Variants in GLYATL2 observed in about 807,000 individuals in gnomAD.
The protein encoded by GLYATL2 is glycine-N-acyltransferase like 2, also known as glycine N-acyltransferase-like protein 2.
A neutral mutation model predicts 21.4 loss-of-function variants in GLYATL2; 25 were observed. The ratio of observed to expected loss-of-function variants is 1.17; its 90% CI spans 0.85 to 1.63. The LOEUF (loss-of-function observed/expected upper bound fraction) is 1.63. Ranked by LOEUF, GLYATL2 falls within the 40% of genes most tolerant of loss-of-function variation. The pLI is 0.00. For synonymous variants in GLYATL2, 114 were observed against 118.2 expected (o/e 0.96, Z 0.23); for missense variants, 361 against 343.3 (o/e 1.05, Z -0.41).
intron 1 of GLYATL2, among the ~76,000 whole-genome samples, chr11:58,854,342 A>G (rs1394341604): frequency 6.6e-6 from 1 of 152,234 alleles, no homozygotes; most frequent in Non-Finnish European, 1.5e-5. Context: ...ACTGCAATAA[A>G]GTGGGTATTC....
intron 1 of GLYATL2, among the ~76,000 whole-genome samples, chr11:58,857,470 A>C (rs1252245360): frequency 6.6e-6 from 1 of 152,050 alleles, no homozygotes; most frequent in African/African-American, 2.4e-5. Context: ...GCCTTTTCTC[A>C]TCCTTCTCAC....
chr11:58,883,268 T>C (rs1854374512), intron 1 of GLYATL2, among the ~76,000 whole-genome samples: 1 of 152,032 alleles, frequency 6.6e-6, no homozygotes, highest in Non-Finnish European at 1.5e-5. Flanking sequence ...AAAAAATCAA[T>C]GAATCCAGGA....
intron 1 of GLYATL2, among the ~76,000 whole-genome samples, chr11:58,875,103 G>A (rs1854202569): frequency 6.6e-6 from 1 of 152,118 alleles, no homozygotes; most frequent in Admixed American, 6.5e-5. Context: ...CAGAGACTAG[G>A]ATTACAACCC....
chr11:58,862,793 A>G (rs750364309), intron 1 of GLYATL2, among the ~76,000 whole-genome samples: 13 of 150,862 alleles, frequency 8.6e-5, no homozygotes, highest in Non-Finnish European at 1.6e-4. Flanking sequence ...AAAGTTCATA[A>G]GCCTTTATTT....
At chr11:58,905,550 G>T (rs1314346423), upstream of GLYATL2, 11 of 456,196 alleles carry the variant, frequency 2.4e-5, no homozygotes, top group South Asian at 1.4e-4. Flanking sequence ...AAACCGCCAG[G>T]CATCTCCCAT....
chr11:58,844,131 A>G (rs537803728), intron 1 of GLYATL2, among the ~76,000 whole-genome samples: 9 of 152,272 alleles, frequency 5.9e-5, no homozygotes, highest in Non-Finnish European at 1.2e-4. Flanking sequence ...CAGTATTACT[A>G]TGGAGATCTA....
At chr11:58,908,881 T>G (rs538009781), upstream of GLYATL2, among the ~76,000 whole-genome samples, 1 of 152,322 alleles carries the variant, frequency 6.6e-6, no homozygotes, top group Non-Finnish European at 1.5e-5. Flanking sequence ...TCATTTGAAT[T>G]ATCTCATTTA....
intron 1 of GLYATL2, among the ~76,000 whole-genome samples, chr11:58,853,573 C>T (rs644238): frequency 0.86 from 131,584 of 152,134 alleles, 58,262 homozygotes; most frequent in Non-Finnish European, 0.96. Flanking sequence ...TAGAAAATCA[C>T]GGCCAGGAGA....
intron 1 of GLYATL2, among the ~76,000 whole-genome samples, chr11:58,874,224 C>T (rs625957): frequency 0.89 from 134,773 of 152,132 alleles, 60,890 homozygotes; most frequent in Non-Finnish European, 0.98. Context: ...ATTTTGTTGA[C>T]CTTTTCAAAA....
intron 1 of GLYATL2, among the ~76,000 whole-genome samples, chr11:58,850,916 CT>C (rs1853730148): frequency 6.6e-6 from 1 of 152,172 alleles, no homozygotes; most frequent in Non-Finnish European, 1.5e-5. Flanking sequence ...CTCTGGGCAC[CT>C]GGCTCTGCCC....
chr11:58,870,374 G>A (rs936991704), intron 1 of GLYATL2, among the ~76,000 whole-genome samples: 3 of 152,146 alleles, frequency 2.0e-5, no homozygotes, highest in Non-Finnish European at 4.4e-5. Flanking sequence ...ATTTCAGGGA[G>A]GTGACTGGAG....
At chr11:58,876,674 C>T (rs1186877108) in intron 1 of GLYATL2, among the ~76,000 whole-genome samples, 1 of 152,148 alleles carries the variant, frequency 6.6e-6, no homozygotes, top group Non-Finnish European at 1.5e-5. Flanking sequence ...GAGTACCTGG[C>T]TGTGTGAGGT....
intron 1 of GLYATL2, among the ~76,000 whole-genome samples, chr11:58,863,982 C>T (rs1853979160): frequency 6.6e-6 from 1 of 151,942 alleles, no homozygotes; most frequent in Non-Finnish European, 1.5e-5. Flanking sequence ...TCTGCAGATG[C>T]TTGCCAGATA....
intron 1 of GLYATL2, among the ~76,000 whole-genome samples, chr11:58,867,630 A>T (rs1854044690): frequency 6.7e-6 from 1 of 148,900 alleles, no homozygotes; most frequent in Non-Finnish European, 1.5e-5. Context: ...CACCTGTGAA[A>T]CCAGAATTCA....
chr11:58,859,445 A>G (rs555302579), intron 1 of GLYATL2, among the ~76,000 whole-genome samples: 1 of 152,286 alleles, frequency 6.6e-6, no homozygotes, highest in African/African-American at 2.4e-5. Flanking sequence ...AGATCTATTC[A>G]GGGCCTTTGC....
intron 1 of GLYATL2, chr11:58,892,266 C>A (rs747867343): frequency 6.2e-6 from 1 of 162,038 alleles, no homozygotes; most frequent in South Asian, 1.8e-4. Context: ...CATATATTCT[C>A]CAAAGCTCCT....
intron 1 of GLYATL2, among the ~76,000 whole-genome samples, chr11:58,857,452 C>T (rs1319683144): frequency 1.3e-5 from 2 of 152,162 alleles, no homozygotes; most frequent in African/African-American, 4.8e-5. Context: ...CTGCCTAGAC[C>T]TGGAGAAGCC....
At chr11:58,872,795 C>T (rs1031182799) in intron 1 of GLYATL2, among the ~76,000 whole-genome samples, 1 of 152,018 alleles carries the variant, frequency 6.6e-6, no homozygotes. Flanking sequence ...TATGAACTTT[C>T]AAGTAGTTTT....
chr11:58,870,370 G>C (rs1277592411), intron 1 of GLYATL2, among the ~76,000 whole-genome samples: 2 of 152,180 alleles, frequency 1.3e-5, no homozygotes, highest in Admixed American at 6.5e-5. Context: ...AGGGATTTCA[G>C]GGAGGTGACT....
Sources: gnomAD v4.1 joint callset for allele counts (sites outside exome capture counted in the v4.1 genomes callset) on GRCh38, gnomAD v4.1.1 for gene constraint, MANE v1.5 for transcripts, NCBI Gene and HGNC (gene_info 2026-07-23, HGNC 2026-07-21) for gene names.